PCCA: variants seen among roughly 807,000 people sequenced by gnomAD.
PCCA encodes propionyl-CoA carboxylase subunit alpha.
PCCA carries 74 observed loss-of-function variants against 101.3 expected under a neutral mutation model. The ratio of observed to expected loss-of-function variants is 0.73; its 90% CI spans 0.61 to 0.89. The LOEUF (loss-of-function observed/expected upper bound fraction) is 0.89. Ranked by LOEUF, PCCA falls within the 40% of genes least tolerant of loss-of-function variation. The probability of loss-of-function intolerance (pLI) is 0.00; values close to 1 mark genes in which losing one functional copy is unlikely to be tolerated. For missense variants in PCCA, 891 were observed against 907.0 expected (o/e 0.98, Z 0.23); for synonymous variants, 294 against 313.6 (o/e 0.94, Z 0.66).
At chr13:100,451,919 T>C (rs936320288) in intron 21 of PCCA, among the ~76,000 whole-genome samples, 2 of 14,356 alleles carry the variant, frequency 1.4e-4, no homozygotes, top group Non-Finnish European at 2.7e-4. Context: ...CTCCTCTCCC[T>C]CTCTCTCCTC....
intron 19 of PCCA, among the ~76,000 whole-genome samples, chr13:100,401,868 T>C (rs1046930825): frequency 3.3e-5 from 5 of 152,236 alleles, no homozygotes; most frequent in African/African-American, 1.2e-4. Flanking sequence ...ACAACTTGAA[T>C]AGATAATTTT....
intron 16 of PCCA, among the ~76,000 whole-genome samples, chr13:100,329,482 C>A (rs1232495906): frequency 6.6e-6 from 1 of 152,110 alleles, no homozygotes; most frequent in Non-Finnish European, 1.5e-5. Context: ...CGAAGCTGAT[C>A]CTTTTAAAGC....
intron 12 of PCCA, chr13:100,293,125 A>G (rs1312889484): frequency 4.6e-6 from 2 of 431,980 alleles, no homozygotes; most frequent in Admixed American, 5.7e-5. Flanking sequence ...AAAACCCCAA[A>G]CATGGTCAGT....
intron 7 of PCCA, among the ~76,000 whole-genome samples, chr13:100,222,744 T>C (rs971937141): frequency 3.9e-5 from 6 of 152,256 alleles, no homozygotes; most frequent in South Asian, 2.1e-4. Context: ...AAGACTAAAG[T>C]CTTTTCCTTG....
At chr13:100,257,348 T>C (rs2062141335) in intron 8 of PCCA, among the ~76,000 whole-genome samples, 1 of 149,368 alleles carries the variant, frequency 6.7e-6, no homozygotes, top group Non-Finnish European at 1.5e-5. Context: ...CTTTTATTAC[T>C]GGGGAAAGTG....
rs767718949 is a variant in PCCA, at chr13:100,111,940, A to G, written c.231+52A>G. 5 of 1,567,414 alleles carry G rather than the reference A, an allele frequency of 3.2e-6. No individual in the cohort carries two copies. The African/African-American group carries it at 6.8e-5, about 21-fold the overall frequency. On this transcript the variant is annotated intron_variant, in intron 3 of 23. Coordinates refer to ENST00000376285, the MANE Select transcript of PCCA (RefSeq NM_000282.4). ...CATTTTACTCTGAAATTATTTATTA[A>G]ACCCCTTTAAGTGTGAATCACTATT...
At chr13:100,294,196 C>T (rs547778568) in intron 12 of PCCA, among the ~76,000 whole-genome samples, 1 of 152,236 alleles carries the variant, frequency 6.6e-6, no homozygotes, top group African/African-American at 2.4e-5. Flanking sequence ...CTGATCTTCT[C>T]TTATGAGGAT....
At chr13:100,437,015 C>T (rs972611159) in intron 20 of PCCA, among the ~76,000 whole-genome samples, 15 of 152,282 alleles carry the variant, frequency 9.9e-5, no homozygotes, top group Non-Finnish European at 1.2e-4. Context: ...CTGTTGGCCT[C>T]TGTTTGCTCT....
intron 6 of PCCA, among the ~76,000 whole-genome samples, chr13:100,205,973 A>G (rs946685330): frequency 1.3e-5 from 2 of 152,148 alleles, no homozygotes; most frequent in Non-Finnish European, 2.9e-5. Context: ...CGTAGAGTTG[A>G]TAGAGGTGTA....
intron 12 of PCCA, among the ~76,000 whole-genome samples, chr13:100,298,756 G>A (rs1465118501): frequency 1.7e-5 from 2 of 117,996 alleles, no homozygotes; most frequent in South Asian, 3.0e-4. Context: ...CCTTCCTTCC[G>A]TCCTTTTGTT....
At chr13:100,496,271 A>C (rs1396103792) in intron 21 of PCCA, among the ~76,000 whole-genome samples, 6 of 152,258 alleles carry the variant, frequency 3.9e-5, no homozygotes, top group Non-Finnish European at 8.8e-5. Flanking sequence ...CAAAAGAAAA[A>C]GAAGTGTTAT....
intron 16 of PCCA, among the ~76,000 whole-genome samples, chr13:100,326,228 G>A (rs2068662856): frequency 6.6e-6 from 1 of 152,160 alleles, no homozygotes; most frequent in Non-Finnish European, 1.5e-5. Flanking sequence ...GGTGGAGTGG[G>A]GGTTGAAGGG....
At chr13:100,396,854 T>C (rs1285313268) in intron 19 of PCCA, among the ~76,000 whole-genome samples, 1 of 152,170 alleles carries the variant, frequency 6.6e-6, no homozygotes, top group Non-Finnish European at 1.5e-5. Flanking sequence ...TTTTGTTGAG[T>C]GAGGCTGGTG....
chr13:100,147,669 G>A (rs543578357), intron 4 of PCCA, among the ~76,000 whole-genome samples: 10 of 152,212 alleles, frequency 6.6e-5, no homozygotes, highest in African/African-American at 2.4e-4. Flanking sequence ...TTAGTAAGTG[G>A]AAATTAATCT....
chr13:100,238,666 T>C (rs2060951607), intron 8 of PCCA, among the ~76,000 whole-genome samples: 1 of 152,238 alleles, frequency 6.6e-6, no homozygotes, highest in Non-Finnish European at 1.5e-5. Flanking sequence ...AAATCTCTTC[T>C]GAATCACCTC....
chr13:100,157,191 A>G, intron 5 of PCCA, 96 bp from the exon 6 acceptor site: 1 of 786,972 alleles, frequency 1.3e-6, no homozygotes, highest in Non-Finnish European at 2.2e-6. Context: ...GGGCTCTTGA[A>G]CAGTAAATAT....
At position 100,388,059 on chromosome 13, in the gene PCCA, G is replaced by A. The variant is rs542162517; in HGVS notation, c.1746+19485G>A. Among the ~76,000 whole-genome samples, 217 of 152,240 alleles carry A rather than the reference G, an allele frequency of 1.4e-3. 6 individuals carry two copies. In the South Asian group the frequency reaches 0.033, roughly 23 times the overall value. On this transcript the variant is annotated intron_variant, in intron 19 of 23. Transcript: ENST00000376285. ...TTTTATTTAGAATAAAACTTTCAGC[G>A]TTGATACCAGATAGTCACCTTTAGT...
At chr13:100,348,812 CTTCCT>C (rs2072798497) in intron 18 of PCCA, among the ~76,000 whole-genome samples, 2 of 58,980 alleles carry the variant, frequency 3.4e-5, no homozygotes, top group South Asian at 7.5e-4. Context: ...TCCTTCCTTC[CTTCCT>C]TTCTTTCTTT....
At chr13:100,397,999 G>A (rs1053138407) in intron 19 of PCCA, among the ~76,000 whole-genome samples, 1 of 152,146 alleles carries the variant, frequency 6.6e-6, no homozygotes, top group Non-Finnish European at 1.5e-5. Context: ...CAGGTTCAGC[G>A]TGATTAGAAG....
Sources: allele counts gnomAD v4.1 joint callset (sites outside exome capture counted in the v4.1 genomes callset), GRCh38; gene constraint gnomAD v4.1.1; transcripts MANE v1.5; gene names NCBI Gene and HGNC (gene_info 2026-07-23, HGNC 2026-07-21).